The following ESYT3 variants were observed in gnomAD, a reference collection of about 807,000 sequenced individuals.
ESYT3 encodes extended synaptotagmin 3.
ESYT3 carries 101 observed loss-of-function variants against 111.5 expected under a neutral mutation model. The ratio of observed to expected loss-of-function variants is 0.91; its 90% CI spans 0.77 to 1.07. ESYT3 has a LOEUF of 1.07. ESYT3 is among the 50% of genes least tolerant of loss of function. The pLI is 0.00. For missense variants in ESYT3, 1,097 were observed against 1,109.4 expected (o/e 0.99, Z 0.16); for synonymous variants, 416 against 446.8 (o/e 0.93, Z 0.87).
At position 138,479,079 on chromosome 3, in the gene ESYT3, AAAC is replaced by A. The variant is rs977831870; in HGVS notation, c.*2228_*2230del. ...ACGGGCAAAAATAAATTATGAAACA[AAAC>A]AAAAACAGACTTTAAAAAAAATACA... On this transcript the variant is annotated 3_prime_UTR_variant, in exon 23 of 23. Transcript: ENST00000389567. 1 of 150,712 alleles carries A rather than the reference AAAC, an allele frequency of 6.6e-6. No individual in the cohort carries two copies. The highest frequency in any genetic ancestry group is 1.5e-5 in the Non-Finnish European group (1 of 68,036). 9.3% of individuals were successfully genotyped at this position (150,712 alleles called of 1,614,324 possible).
chr3:138,470,623 C>G (rs2033169780), intron 16 of ESYT3: 1 of 1,252,324 alleles, frequency 8.0e-7, no homozygotes, highest in Non-Finnish European at 1.0e-6. Context: ...GTCCCCAAAG[C>G]CCCCTGGCTC....
At chr3:138,480,401 C>T (rs2033667219), downstream of ESYT3, 1 of 97,654 alleles carries the variant, frequency 1.0e-5, no homozygotes, top group East Asian at 1.8e-3. Context: ...TGTATTGCAG[C>T]CTGAGTAATA....
In ESYT3 at chr3:138,476,797, CCAAA is replaced by C. The variant is rs750579219; in HGVS notation, c.2625-19_2625-16del. On this transcript the variant is annotated splice_polypyrimidine_tract_variant and intron_variant, in intron 22 of 22. Coordinates refer to ENST00000389567, the MANE Select transcript of ESYT3 (RefSeq NM_031913.5). Reference sequence around the variant, plus strand: ...CACACTGTCATTACTAACGTTAAGTCCAAACGTAACTGTCTTACAGGTATGAGCT... The same window carrying C: ...CACACTGTCATTACTAACGTTAAGTCCGTAACTGTCTTACAGGTATGAGCT... 1.5e-5 allele frequency: 25 copies of C among 1,613,036 alleles called. 1 individual carries two copies. Among genetic ancestry groups the C allele is most frequent in the South Asian group, 1.4e-4 (13 of 90,982 alleles).
At position 138,473,615 on chromosome 3, in the gene ESYT3, G is replaced by C; in HGVS notation, c.2317G>C (p.Val773Leu). The change falls in exon 19 of 23, where the codon GTG (valine) becomes CTG (leucine). Residue 773 changes from valine (V) to leucine (L), a missense_variant. Transcript: ENST00000389567. ...RYVCLRRCLSVLINGCRNLTP... is the reference protein window; with the variant it reads ...RYVCLRRCLSLLINGCRNLTP... ...TGTGTGTCTGCGGCGCTGCCTCAGC[G>C]TGCTAATCAATGGCTGCAGGTAAAG... 2 of 1,613,632 alleles carry C rather than the reference G, an allele frequency of 1.2e-6. No individual in the cohort carries two copies. The highest frequency in any genetic ancestry group is 1.7e-6 in the Non-Finnish European group (2 of 1,179,716).
chr3:138,468,424 T>C (rs2033043947), intron 12 of ESYT3, among the ~76,000 whole-genome samples: 1 of 152,180 alleles, frequency 6.6e-6, no homozygotes, highest in Admixed American at 6.5e-5. Flanking sequence ...TCTGTGTCAA[T>C]GCCTGTCCTC....
chr3:138,455,031 A>G (rs952439185), intron 2 of ESYT3, among the ~76,000 whole-genome samples, 163 bp from the exon 3 acceptor site: 1 of 152,190 alleles, frequency 6.6e-6, no homozygotes, highest in African/African-American at 2.4e-5. Context: ...AGACAGATGA[A>G]CAGGTGAGCA....
At chr3:138,447,707 TCTAA>T (rs1436422770) in intron 1 of ESYT3, among the ~76,000 whole-genome samples, 1 of 152,100 alleles carries the variant, frequency 6.6e-6, no homozygotes, top group African/African-American at 2.4e-5. Flanking sequence ...CACACAGTAC[TCTAA>T]CAAAAAATAT....
chr3:138,479,712 C>CTTAGCCACAAGT lies in ESYT3; in HGVS notation c.*2859_*2870dup, dbSNP rs1377704420. 6.6e-6 allele frequency: 1 copy of CTTAGCCACAAGT among 152,226 alleles called. No homozygotes were observed. Among genetic ancestry groups the CTTAGCCACAAGT allele is most frequent in the African/African-American group, 2.4e-5 (1 of 41,452 alleles). 9.4% of individuals were successfully genotyped at this position (152,226 alleles called of 1,614,324 possible). ...GCAGGCAACACCTTTTGGCAAGTTTCTTAGCCACAAGTGGGTTGCATGGTC... is the reference window on the plus strand; with the variant it reads ...GCAGGCAACACCTTTTGGCAAGTTTCTTAGCCACAAGTTTAGCCACAAGTGGGTTGCATGGTC... On this transcript the variant is annotated 3_prime_UTR_variant, in exon 23 of 23. Coordinates refer to ENST00000389567, the MANE Select transcript of ESYT3 (RefSeq NM_031913.5).
chr3:138,472,616 A>C lies in ESYT3; in HGVS notation c.1994A>C (p.Glu665Ala). 6.2e-7 allele frequency: 1 copy of C among 1,614,244 alleles called. No individual in the cohort carries two copies. The highest frequency in any genetic ancestry group is 8.5e-7 in the Non-Finnish European group (1 of 1,180,048). The change falls in exon 18 of 23, where the codon GAG becomes GCG. Residue 665 changes from glutamate to alanine, a missense_variant. Transcript: ENST00000389567. The part of the protein sequence containing the change: ...TEPTSQETGP[E>A]PKGKDSAKRF... ...CCCACATCCCAAGAGACAGGCCCAG[A>C]GCCTAAAGGCAAGGACAGTGCCAAA...
intron 20 of ESYT3, among the ~76,000 whole-genome samples, chr3:138,474,935 G>A (rs937149250): frequency 2.0e-4 from 31 of 152,196 alleles, no homozygotes; most frequent in African/African-American, 3.4e-4. Context: ...TCTCATCAGC[G>A]TGTACCTTCT....
chr3:138,468,794 TA>T, intron 13 of ESYT3, 24 bp from the exon 14 acceptor site: 1 of 1,614,192 alleles, frequency 6.2e-7, no homozygotes, highest in South Asian at 1.1e-5. Context: ...TGTGTTGCTT[TA>T]ACCCCGTTAT....
At chr3:138,461,251 C>T (rs1039448484) in intron 7 of ESYT3, among the ~76,000 whole-genome samples, 4 of 152,148 alleles carry the variant, frequency 2.6e-5, no homozygotes, top group South Asian at 4.1e-4. Context: ...GGTGAGAAGC[C>T]GATGTGACTT....
chr3:138,460,875 C>CCA (rs137885621), intron 7 of ESYT3, among the ~76,000 whole-genome samples: 244 of 152,120 alleles, frequency 1.6e-3, no homozygotes, highest in African/African-American at 5.2e-3. Flanking sequence ...CCCGCCCACA[C>CCA]CACACACACA....
intron 10 of ESYT3, among the ~76,000 whole-genome samples, chr3:138,467,163 G>T (rs1197825610): frequency 6.6e-6 from 1 of 152,166 alleles, no homozygotes; most frequent in East Asian, 1.9e-4. Context: ...ACTGTGAGAG[G>T]TGGTTCTTCT....
chr3:138,455,149 G>C (rs770047195), intron 2 of ESYT3, 45 bp from the exon 3 acceptor site: 3 of 1,608,298 alleles, frequency 1.9e-6, no homozygotes, highest in African/African-American at 1.3e-5. Flanking sequence ...GGTCTGCAGT[G>C]GGGGTACAGA....
rs919976178 is a variant in ESYT3, at chr3:138,435,527, A to G, written c.327+402A>G. On this transcript the variant is annotated intron_variant, in intron 1 of 22. Transcript: ENST00000389567. The surrounding 1 kb of genome is among the most constrained non-coding windows in gnomAD (Gnocchi z 4.8). ...TCAGAGAACGAACGCCGGACGCAAA[A>G]CGTAGATGGGCAAATACCGCAGTGA... 6.6e-6 allele frequency among the ~76,000 whole-genome samples: 1 copy of G among 152,180 alleles called. No homozygotes were observed. Among genetic ancestry groups the G allele is most frequent in the Non-Finnish European group, 1.5e-5 (1 of 68,022 alleles).
intron 15 of ESYT3, 33 bp from the exon 16 acceptor site, chr3:138,470,027 C>A: frequency 6.3e-7 from 1 of 1,592,436 alleles, no homozygotes; most frequent in Non-Finnish European, 8.6e-7. Context: ...CCCAACCTAA[C>A]CCTTCAATGA....
rs1199177807 is a variant in ESYT3 at position 138,435,856 on chromosome 3, C to T, written c.327+731C>T. 2.6e-5 allele frequency among the ~76,000 whole-genome samples: 4 copies of T among 152,214 alleles called. No individual in the cohort carries two copies. The stretch of plus-strand genomic sequence containing the variant: ...AACTCCCAGGGTGGCACAGAGGTAT[C>T]CTGGGTGATTCTTATGATTAGGTGA... On this transcript the variant is annotated intron_variant, in intron 1 of 22. Transcript: ENST00000389567. The surrounding 1 kb of genome is among the most constrained non-coding windows in gnomAD (Gnocchi z 4.8).
intron 2 of ESYT3, 34 bp downstream of exon 2, chr3:138,452,123 C>G: frequency 6.2e-7 from 1 of 1,600,768 alleles, no homozygotes; most frequent in Non-Finnish European, 8.5e-7. Flanking sequence ...CAGGGCCGGA[C>G]GCATGCCAGC....
Sources: gnomAD v4.1 joint callset for allele counts (sites outside exome capture counted in the v4.1 genomes callset) on GRCh38, gnomAD v4.1.1 for gene constraint, Gnocchi (gnomAD v3.1) non-coding constraint, MANE v1.5 for transcripts, NCBI Gene and HGNC (gene_info 2026-07-23, HGNC 2026-07-21) for gene names.